PAX8: variants seen among roughly 807,000 people sequenced by gnomAD.
The protein encoded by PAX8 is paired box 8, also known as paired box protein Pax-8.
A neutral mutation model predicts 52.4 loss-of-function variants in PAX8; 15 were observed. That is an observed-to-expected ratio of 0.29 (90% CI 0.19 to 0.44). The LOEUF is 0.44. Ranked by LOEUF, PAX8 falls within the 20% of genes least tolerant of loss-of-function variation. PAX8 has a pLI of 1.00. For missense variants in PAX8, 554 were observed against 602.5 expected, an observed-to-expected ratio of 0.92 and a Z score of 0.84; for synonymous variants, 284 against 249.7, an observed-to-expected ratio of 1.14 and a Z score of -1.29.
chr2:113,277,280 C>A, intron 2 of PAX8, among the ~76,000 whole-genome samples: 1 of 152,174 alleles, frequency 6.6e-6, no homozygotes, highest in Non-Finnish European at 1.5e-5. Flanking sequence ...GGTTCCCGCT[C>A]CCCTCCTAGT....
intron 2 of PAX8, among the ~76,000 whole-genome samples, chr2:113,250,447 A>G (rs1017802833): frequency 3.3e-5 from 5 of 152,206 alleles, no homozygotes; most frequent in African/African-American, 1.2e-4. Flanking sequence ...TTCAGTGTGC[A>G]TCAGAATCAC....
At chr2:113,257,456 A>G (rs1466211407) in intron 2 of PAX8, among the ~76,000 whole-genome samples, 1 of 152,192 alleles carries the variant, frequency 6.6e-6, no homozygotes. Context: ...TCAGGCAGAT[A>G]TAAGAGGGTC....
chr2:113,231,479 C>T (rs1365647880), intron 9 of PAX8, among the ~76,000 whole-genome samples: 3 of 152,206 alleles, frequency 2.0e-5, no homozygotes, highest in Non-Finnish European at 2.9e-5. Flanking sequence ...GGATAGTCAC[C>T]TTGGAAATCA....
At chr2:113,221,332 T>C (rs911713016) in intron 10 of PAX8, among the ~76,000 whole-genome samples, 9 of 152,126 alleles carry the variant, frequency 5.9e-5, no homozygotes, top group Non-Finnish European at 1.3e-4. Context: ...TCACCTACGA[T>C]TGGGAGCTAT....
chr2:113,277,756 G>C (rs939694835), intron 2 of PAX8, among the ~76,000 whole-genome samples: 1 of 152,198 alleles, frequency 6.6e-6, no homozygotes, highest in Non-Finnish European at 1.5e-5. Flanking sequence ...TGGGGAGGGG[G>C]TTTTGACTCC....
chr2:113,262,390 G>A (rs1429342067), intron 2 of PAX8, among the ~76,000 whole-genome samples: 1 of 152,106 alleles, frequency 6.6e-6, no homozygotes, highest in African/African-American at 2.4e-5. Flanking sequence ...CCCCTCCTCT[G>A]TTGGAGCAAT....
At chr2:113,261,533 G>A (rs924970636) in intron 2 of PAX8, among the ~76,000 whole-genome samples, 3 of 152,246 alleles carry the variant, frequency 2.0e-5, no homozygotes, top group African/African-American at 7.2e-5. Context: ...GGCTGCCACG[G>A]CTTACAGACT....
intron 2 of PAX8, among the ~76,000 whole-genome samples, chr2:113,262,332 C>A (rs1041760636): frequency 3.3e-5 from 5 of 152,068 alleles, no homozygotes; most frequent in Admixed American, 2.0e-4. Flanking sequence ...AAGTGTTGAA[C>A]CTGGACTTCA....
intron 3 of PAX8, among the ~76,000 whole-genome samples, 168 bp downstream of exon 3, chr2:113,246,586 G>A (rs565915853): frequency 6.6e-6 from 1 of 152,310 alleles, no homozygotes; most frequent in South Asian, 2.1e-4. Flanking sequence ...AATAGTGGCT[G>A]GGTAGAGGCC....
chr2:113,270,231 G>C (rs1693369839), intron 2 of PAX8: 1 of 152,188 alleles, frequency 6.6e-6, no homozygotes, highest in Non-Finnish European at 1.5e-5. Context: ...CTTTGGGAAT[G>C]TGTTCTGGAG....
chr2:113,260,180 A>G (rs1692562865), intron 2 of PAX8, among the ~76,000 whole-genome samples: 1 of 152,172 alleles, frequency 6.6e-6, no homozygotes, highest in African/African-American at 2.4e-5. Context: ...TGCCCTTGAG[A>G]AACTTACAAG....
chr2:113,258,623 G>A (rs957216846), intron 2 of PAX8, among the ~76,000 whole-genome samples: 6 of 152,168 alleles, frequency 3.9e-5, no homozygotes, highest in Admixed American at 1.3e-4. Flanking sequence ...TCGCAGCTCC[G>A]CTGTTATTCT....
intron 9 of PAX8, among the ~76,000 whole-genome samples, chr2:113,230,309 C>T (rs1689812931): frequency 6.6e-6 from 1 of 152,230 alleles, no homozygotes; most frequent in Admixed American, 6.5e-5. Context: ...CGTTCTATTA[C>T]CTGAACCTGC....
At chr2:113,222,087 A>G (rs1235555450) in intron 10 of PAX8, among the ~76,000 whole-genome samples, 2 of 152,236 alleles carry the variant, frequency 1.3e-5, no homozygotes, top group African/African-American at 4.8e-5. Context: ...AGGGAAGTAA[A>G]GACATTTGGC....
chr2:113,241,161 G>T (rs995269915), intron 7 of PAX8: 1 of 371,618 alleles, frequency 2.7e-6, no homozygotes, highest in African/African-American at 2.1e-5. Flanking sequence ...GGGTGTGCAG[G>T]ATGAGTGGCC....
chr2:113,277,321 C>T (rs777855700), intron 2 of PAX8, among the ~76,000 whole-genome samples: 12 of 152,256 alleles, frequency 7.9e-5, no homozygotes, highest in Non-Finnish European at 1.6e-4. Context: ...GGAGACTGCG[C>T]CGCAGAGCCC....
chr2:113,247,017 T>G, intron 2 of PAX8, 98 bp from the exon 3 acceptor site: 2 of 1,142,322 alleles, frequency 1.8e-6, no homozygotes, highest in African/African-American at 1.5e-5. Context: ...GTGTGTGTGT[T>G]TGACTGTGAC....
At chr2:113,228,035 A>C (rs1158021498) in intron 9 of PAX8, among the ~76,000 whole-genome samples, 1 of 152,074 alleles carries the variant, frequency 6.6e-6, no homozygotes, top group African/African-American at 2.4e-5. Flanking sequence ...TCATACCCCC[A>C]CCTTGGTGAT....
chr2:113,226,418 C>T (rs1689572703), intron 10 of PAX8: 29 of 985,784 alleles, frequency 2.9e-5, no homozygotes, highest in Non-Finnish European at 3.5e-5. Context: ...TGAGACTTGC[C>T]CAAGGAAACT....
Sources: allele counts gnomAD v4.1 joint callset (sites outside exome capture counted in the v4.1 genomes callset), GRCh38; gene constraint gnomAD v4.1.1; transcripts MANE v1.5; gene names NCBI Gene and HGNC (gene_info 2026-07-23, HGNC 2026-07-21).